The following NOSIP variants were observed in gnomAD, a reference collection of about 807,000 sequenced individuals.
NOSIP encodes nitric oxide synthase-interacting protein.
NOSIP carries 25 observed loss-of-function variants against 36.4 expected under a neutral mutation model. The observed-to-expected ratio is 0.69, with a 90% CI of 0.50 to 0.96. The LOEUF is 0.96. NOSIP is among the 40% of genes least tolerant of loss of function. NOSIP has a pLI of 0.00. For missense variants in NOSIP, 370 were observed against 429.0 expected (o/e 0.86, Z 1.21); for synonymous variants, 187 against 179.2 (o/e 1.04, Z -0.35).
At chr19:49,572,862 T>G (rs1463232535) in intron 1 of NOSIP, among the ~76,000 whole-genome samples, 2 of 150,068 alleles carry the variant, frequency 1.3e-5, no homozygotes, top group Admixed American at 1.3e-4. Flanking sequence ...TAGTCCCAGC[T>G]ACTCGGGAGG....
chr19:49,563,171 TTTTTC>T (rs1368090868), intron 1 of NOSIP, among the ~76,000 whole-genome samples: 3 of 151,006 alleles, frequency 2.0e-5, no homozygotes, highest in African/African-American at 7.4e-5. Context: ...CTAACATCGT[TTTTTC>T]TTTTTGTTTT....
At chr19:49,562,284 G>A (rs189101222) in intron 1 of NOSIP, among the ~76,000 whole-genome samples, 6 of 152,112 alleles carry the variant, frequency 3.9e-5, no homozygotes, top group Non-Finnish European at 5.9e-5. Context: ...ACCACGCCTG[G>A]CTAATTTTTT....
intron 1 of NOSIP, among the ~76,000 whole-genome samples, chr19:49,562,939 A>C (rs989979281): frequency 6.6e-4 from 101 of 152,280 alleles, no homozygotes; most frequent in African/African-American, 2.3e-3. Context: ...ACTCATCTCT[A>C]AGTTGCCACC....
chr19:49,557,157 C>G lies in NOSIP; in HGVS notation c.351G>C (p.Lys117Asn), dbSNP rs2080264449. ...SQDHVRGFLE[K>N]ESAIVSRPLN... Reference sequence around the variant, plus strand: ...GGGGCCGGCTCACGATAGCCGACTCCTTCTCCAGGAAGCCCCGCACATGGT... The same window carrying G: ...GGGGCCGGCTCACGATAGCCGACTCGTTCTCCAGGAAGCCCCGCACATGGT... The change falls in exon 5 of 9, where the codon AAG (lysine) becomes AAC (asparagine). Residue 117 changes from lysine to asparagine, a missense_variant. Around this residue, in one of 3 missense-constraint regions of NOSIP, gnomAD observed 315 missense variants for 331.9 expected, o/e 0.95. Coordinates refer to ENST00000596358, the MANE Select transcript of NOSIP (RefSeq NM_001270960.2). The G allele has an allele frequency of 6.2e-7, 1 of 1,611,984 alleles. No homozygotes were observed. Among genetic ancestry groups the G allele is most frequent in the Admixed American group, 1.7e-5 (1 of 59,728 alleles).
chr19:49,561,210 C>CA (rs2122803769), intron 1 of NOSIP, among the ~76,000 whole-genome samples: 1 of 152,256 alleles, frequency 6.6e-6, no homozygotes, highest in Admixed American at 6.5e-5. Context: ...CCTGCCAGTC[C>CA]ACTAGCGACT....
Position 49,556,340 on chromosome 19 carries a change from G to T in NOSIP, c.811C>A (p.Arg271Ser). The change falls in exon 8 of 9, where the codon CGC (arginine) becomes AGC (serine). Residue 271 changes from arginine to serine, a missense_variant. Physicochemically the swap from Arg to Ser is moderately radical, Grantham distance 110. Transcript: ENST00000596358. Reference protein sequence around the residue: ...DPVTGDKLTDRDIIVLQRGGT... With the variant: ...DPVTGDKLTDSDIIVLQRGGT... ...ACCCGCTGCAGCACGATGATGTCGC[G>T]GTCTGTGAGTTTGTCTCCAGTCACA... The T allele has an allele frequency of 6.2e-7, 1 of 1,613,036 alleles. No homozygotes were observed. The highest frequency in any genetic ancestry group is 8.5e-7 in the Non-Finnish European group (1 of 1,179,538).
In NOSIP at chr19:49,556,590, G is replaced by C; in HGVS notation, c.684C>G (p.Asp228Glu). The C allele has an allele frequency of 6.2e-7, 1 of 1,606,502 alleles. No homozygotes were observed. Among genetic ancestry groups the C allele is most frequent in the Non-Finnish European group, 8.5e-7 (1 of 1,179,488 alleles). ...CGCAGGGGGTGGCGTTGCTCAGGCT[G>C]TCGCGGGTCACGGCACACACGTAGC... is the stretch of plus-strand genomic sequence containing the variant. Reference protein sequence around the residue: ...SERYVCAVTRDSLSNATPCAV... With the variant: ...SERYVCAVTRESLSNATPCAV... The change falls in exon 7 of 9, where the codon GAC becomes GAG. Residue 228 changes from aspartate (D) to glutamate (E), a missense_variant. Asp to Glu is a conservative substitution (Grantham distance 45). Transcript: ENST00000596358.
At position 49,560,509 on chromosome 19, in the gene NOSIP, A is replaced by G. The variant is rs2080318040; in HGVS notation, c.70+113T>C. The G allele has an allele frequency of 2.6e-6, 2 of 758,500 alleles. No individual in the cohort carries two copies. The highest frequency in any genetic ancestry group is 2.3e-6 in the Non-Finnish European group (1 of 440,458). The allele number at this position is 758,500 out of a possible 1,614,324, so 47.0% of individuals were successfully genotyped here. On this transcript the variant is annotated intron_variant, in intron 2 of 8. Transcript: ENST00000596358. The surrounding 1 kb of genome is among the most constrained non-coding windows in gnomAD (Gnocchi z 4.6). ...TTTACATGGTCATGGCCATCAGTGT[A>G]TATCGGGGGCGGGAGAGAGACAGGG...
intron 1 of NOSIP, among the ~76,000 whole-genome samples, chr19:49,566,145 G>A (rs1005196547): frequency 2.6e-5 from 4 of 151,500 alleles, no homozygotes; most frequent in East Asian, 1.9e-4. Context: ...TCAGCCTCCC[G>A]AGTAGCTGGC....
At position 49,560,478 on chromosome 19, in the gene NOSIP, C is replaced by A. The variant is rs2080317811; in HGVS notation, c.70+144G>T. 4 of 661,974 alleles carry A rather than the reference C, an allele frequency of 6.0e-6. No individual in the cohort carries two copies. Among genetic ancestry groups the A allele is most frequent in the Non-Finnish European group, 1.1e-5 (4 of 367,178 alleles). 41.0% of individuals were successfully genotyped at this position (661,974 alleles called of 1,614,324 possible). A position where few individuals can be genotyped will look rare whatever the true frequency, so the allele number is the denominator to read the frequency against. On this transcript the variant is annotated intron_variant, in intron 2 of 8. Coordinates refer to ENST00000596358, the MANE Select transcript of NOSIP (RefSeq NM_001270960.2). The surrounding 1 kb of genome is among the most constrained non-coding windows in gnomAD (Gnocchi z 4.6). ...CACATGGGGTCATGGGATCACCCAG[C>A]TGTTGTTTACATGGTCATGGCCATC...
chr19:49,562,686 T>A (rs1450136278), intron 1 of NOSIP, among the ~76,000 whole-genome samples: 3 of 151,808 alleles, frequency 2.0e-5, no homozygotes, highest in Admixed American at 6.6e-5. Flanking sequence ...ATCGAGACCA[T>A]CCTGGCCAAC....
chr19:49,560,576 T>G lies in NOSIP; in HGVS notation c.70+46A>C. 6.8e-7 allele frequency: 1 copy of G among 1,474,230 alleles called. No individual in the cohort carries two copies. The highest frequency in any genetic ancestry group is 9.3e-7 in the Non-Finnish European group (1 of 1,074,802). 91.3% of individuals were successfully genotyped at this position (1,474,230 alleles called of 1,614,324 possible). The stretch of plus-strand genomic sequence containing the variant: ...CTGGGGCACGAGGGGAGAGGGTGAC[T>G]CCAAGACACAGCCATGTCCCGCCTC... On this transcript the variant is annotated intron_variant, in intron 2 of 8. Transcript: ENST00000596358. This position sits in a 1 kb window ranked among gnomAD's most constrained non-coding sequence, Gnocchi z 4.6.
rs2080363516 is a variant in NOSIP, at chr19:49,563,552, G to A, written c.-1-2860C>T. Reference sequence around the variant, plus strand: ...CTTGTTGCCCAAGCTGGAGTGCAATGGCACGATCTCAGCTCACTACAACCT... The same window carrying A: ...CTTGTTGCCCAAGCTGGAGTGCAATAGCACGATCTCAGCTCACTACAACCT... On this transcript the variant is annotated intron_variant, in intron 1 of 8. Coordinates refer to ENST00000596358, the MANE Select transcript of NOSIP (RefSeq NM_001270960.2). Among the ~76,000 whole-genome samples the A allele has an allele frequency of 4.0e-5, 6 of 150,284 alleles. No individual in the cohort carries two copies. The Admixed American group carries it at 4.0e-4, about 10-fold the overall frequency.
At chr19:49,557,735 A>G (rs1369378167) in intron 4 of NOSIP, 1 of 991,832 alleles carries the variant, frequency 1.0e-6, no homozygotes. Flanking sequence ...ATGTCTATGG[A>G]CGGACAGTGA....
Position 49,563,092 on chromosome 19 carries a change from T to C in NOSIP, c.-1-2400A>G, listed in dbSNP as rs944956655. 1.1e-4 allele frequency among the ~76,000 whole-genome samples: 16 copies of C among 152,294 alleles called. No homozygotes were observed. The South Asian group carries it at 1.9e-3, about 18-fold the overall frequency. ...AAGCTGTTTCAACAGCAGAAAATTA[T>C]ACATGTCCTGTTTTTCTCTTTGAAC... On this transcript the variant is annotated intron_variant, in intron 1 of 8. Coordinates refer to ENST00000596358, the MANE Select transcript of NOSIP (RefSeq NM_001270960.2).
Position 49,572,393 on chromosome 19 carries a change from C to A in NOSIP, c.-2+8122G>T, listed in dbSNP as rs908282144. ...AAGTGCTAGGATTACAAGCATGAGT[C>A]ACTGCACCCAGCCTTTTTTTTTTTT... On this transcript the variant is annotated intron_variant, in intron 1 of 8. Transcript: ENST00000596358. Among the ~76,000 whole-genome samples the A allele has an allele frequency of 2.0e-5, 3 of 147,794 alleles. No homozygotes were observed. In the Admixed American group the frequency reaches 2.0e-4, roughly 10 times the overall value.
chr19:49,557,902 T>C, intron 4 of NOSIP: 1 of 987,694 alleles, frequency 1.0e-6, no homozygotes, highest in Non-Finnish European at 1.2e-6. Flanking sequence ...GCCTCCGACA[T>C]GACCACCAGG....
At position 49,564,164 on chromosome 19, in the gene NOSIP, T is replaced by C. The variant is rs1045458597; in HGVS notation, c.-1-3472A>G. ...CACCAGGGAAACGCACATTAAAACT[T>C]CACTGAAGGCCGAGCACCGTGGCTT... On this transcript the variant is annotated intron_variant, in intron 1 of 8. Transcript: ENST00000596358. Among the ~76,000 whole-genome samples the C allele has an allele frequency of 1.5e-4, 23 of 152,196 alleles. No individual in the cohort carries two copies. The East Asian group carries it at 2.7e-3, about 18-fold the overall frequency.
At chr19:49,562,333 A>G (rs2080347163) in intron 1 of NOSIP, among the ~76,000 whole-genome samples, 1 of 151,826 alleles carries the variant, frequency 6.6e-6, no homozygotes, top group Non-Finnish European at 1.5e-5. Context: ...CGTGTTGGCC[A>G]GGCTGGTCTT....
Sources: allele counts gnomAD v4.1 joint callset (sites outside exome capture counted in the v4.1 genomes callset), GRCh38; gene constraint gnomAD v4.1.1; regional missense constraint gnomAD v4.1.1; non-coding constraint Gnocchi (gnomAD v3.1); transcripts MANE v1.5; gene names NCBI Gene and HGNC (gene_info 2026-07-23, HGNC 2026-07-21).